Variants in CADM2 observed in about 807,000 individuals in gnomAD.
CADM2 encodes the protein immunoglobulin superfamily member 4D.
Under a neutral mutation model 49.8 loss-of-function variants are expected in CADM2, and 12 were observed. The ratio of observed to expected loss-of-function variants is 0.24; its 90% CI spans 0.15 to 0.39. The LOEUF (loss-of-function observed/expected upper bound fraction) is 0.39. Among genes scored for constraint, CADM2 ranks in the 10% least tolerant of loss-of-function variants. CADM2 has a pLI of 1.00. For missense variants in CADM2, 378 were observed against 492.3 expected, an observed-to-expected ratio of 0.77 and a Z score of 2.20; for synonymous variants, 214 against 175.4, an observed-to-expected ratio of 1.22 and a Z score of -1.74.
chr3:85,099,632 G>T (rs1433559293), intron 1 of CADM2, among the ~76,000 whole-genome samples: 1 of 152,028 alleles, frequency 6.6e-6, no homozygotes, highest in Non-Finnish European at 1.5e-5. Flanking sequence ...ATTAACCCTG[G>T]CTAATTTTTG....
chr3:85,761,614 A>T (rs1183821214), intron 2 of CADM2, among the ~76,000 whole-genome samples: 3 of 152,002 alleles, frequency 2.0e-5, no homozygotes, highest in African/African-American at 7.2e-5. Context: ...TGACCTCGTG[A>T]TCCACCCACC....
intron 1 of CADM2, among the ~76,000 whole-genome samples, chr3:85,597,276 T>G (rs1900916): frequency 0.59 from 90,253 of 151,854 alleles, 28,304 homozygotes; most frequent in East Asian, 0.93. Context: ...TACTTTGAAG[T>G]TTAGATACAA....
chr3:85,367,550 A>C (rs1180505780), intron 1 of CADM2, among the ~76,000 whole-genome samples: 1 of 151,844 alleles, frequency 6.6e-6, no homozygotes, highest in Non-Finnish European at 1.5e-5. Flanking sequence ...AATGCCTGAC[A>C]CAAAATAAGA....
At chr3:85,599,032 A>G (rs990382175) in intron 1 of CADM2, among the ~76,000 whole-genome samples, 2 of 151,948 alleles carry the variant, frequency 1.3e-5, no homozygotes, top group African/African-American at 4.8e-5. Flanking sequence ...TGAATTTTCT[A>G]ATTCAAGTAC....
chr3:85,045,466 T>C (rs17022355), intron 1 of CADM2, among the ~76,000 whole-genome samples: 3,051 of 152,236 alleles, frequency 0.02, 117 homozygotes, highest in African/African-American at 0.069. Flanking sequence ...GGGCTATGTA[T>C]AAGACAATCT....
At chr3:85,756,795 G>C (rs1411483343) in intron 2 of CADM2, among the ~76,000 whole-genome samples, 3 of 152,040 alleles carry the variant, frequency 2.0e-5, no homozygotes, top group Non-Finnish European at 4.4e-5. Context: ...TTGTGTGACA[G>C]AAAATAAATT....
chr3:85,145,458 T>C (rs1559687274), intron 1 of CADM2, among the ~76,000 whole-genome samples: 1 of 152,154 alleles, frequency 6.6e-6, no homozygotes, highest in Non-Finnish European at 1.5e-5. Context: ...TGTGTAGAAC[T>C]AAATCACAGT....
intron 1 of CADM2, among the ~76,000 whole-genome samples, chr3:85,640,945 A>G (rs2064691694): frequency 6.6e-6 from 1 of 152,150 alleles, no homozygotes; most frequent in South Asian, 2.1e-4. Context: ...TTTTTGCCTA[A>G]TCTATACCTT....
At chr3:85,087,193 G>A (rs765952142) in intron 1 of CADM2, among the ~76,000 whole-genome samples, 1 of 152,132 alleles carries the variant, frequency 6.6e-6, no homozygotes, top group African/African-American at 2.4e-5. Flanking sequence ...TCGGTTAACA[G>A]AAAGGTCAGT....
At chr3:85,021,052 G>C (rs2034481209) in intron 1 of CADM2, among the ~76,000 whole-genome samples, 1 of 150,386 alleles carries the variant, frequency 6.6e-6, no homozygotes. Context: ...GGGAGGCGGG[G>C]GTTGCAGTGA....
intron 1 of CADM2, among the ~76,000 whole-genome samples, chr3:84,984,641 A>T (rs2032442478): frequency 2.0e-5 from 3 of 152,034 alleles, no homozygotes. Context: ...CCCTTCTATG[A>T]AAAGCTCTCT....
At chr3:85,278,950 A>C (rs1371250353) in intron 1 of CADM2, among the ~76,000 whole-genome samples, 1 of 151,494 alleles carries the variant, frequency 6.6e-6, no homozygotes, top group Non-Finnish European at 1.5e-5. Flanking sequence ...ACTTTTCCAC[A>C]ATTAAAAAAT....
chr3:86,020,817 A>G (rs1020325949), intron 8 of CADM2, among the ~76,000 whole-genome samples: 9 of 152,186 alleles, frequency 5.9e-5, no homozygotes, highest in Non-Finnish European at 1.2e-4. Flanking sequence ...TCAATAAATT[A>G]GGTATTGATG....
intron 1 of CADM2, among the ~76,000 whole-genome samples, chr3:84,972,256 A>C (rs560982393): frequency 6.6e-6 from 1 of 152,370 alleles, no homozygotes; most frequent in East Asian, 1.9e-4. Flanking sequence ...TGCAAACTGC[A>C]GAGATGGCAT....
intron 5 of CADM2, among the ~76,000 whole-genome samples, chr3:85,909,748 G>C (rs1203888053): frequency 6.6e-6 from 1 of 152,152 alleles, no homozygotes; most frequent in Non-Finnish European, 1.5e-5. Flanking sequence ...ATGAAAGAAG[G>C]ATACACGTGG....
At chr3:86,066,639 A>C (rs1282019650) in intron 9 of CADM2, 26 bp from the exon 10 acceptor site, 1 of 1,491,082 alleles carries the variant, frequency 6.7e-7, no homozygotes, top group South Asian at 1.1e-5. Flanking sequence ...CACAGAGCTA[A>C]CATATTTTTC....
intron 1 of CADM2, among the ~76,000 whole-genome samples, chr3:85,248,534 C>T (rs1412303529): frequency 6.6e-6 from 1 of 152,140 alleles, no homozygotes; most frequent in Non-Finnish European, 1.5e-5. Flanking sequence ...CCTTGGCTTC[C>T]CAATTTGCTA....
At chr3:85,030,734 G>A (rs2034939694) in intron 1 of CADM2, among the ~76,000 whole-genome samples, 1 of 152,054 alleles carries the variant, frequency 6.6e-6, no homozygotes, top group Admixed American at 6.6e-5. Flanking sequence ...CTCCCAGCCA[G>A]GTCTTCAATC....
At chr3:85,865,139 A>G (rs1466518318) in intron 3 of CADM2, among the ~76,000 whole-genome samples, 3 of 152,176 alleles carry the variant, frequency 2.0e-5, no homozygotes, top group Non-Finnish European at 4.4e-5. Flanking sequence ...GCCACAGCCC[A>G]GGTGGTGTGA....
Sources: allele counts gnomAD v4.1 joint callset (sites outside exome capture counted in the v4.1 genomes callset), GRCh38; gene constraint gnomAD v4.1.1; transcripts MANE v1.5; gene names NCBI Gene and HGNC (gene_info 2026-07-23, HGNC 2026-07-21).